KCND2: variants seen among roughly 807,000 people sequenced by gnomAD.
KCND2 encodes the protein A-type voltage-gated potassium channel KCND2.
Under a neutral mutation model 54.4 loss-of-function variants are expected in KCND2, and 16 were observed. That is an observed-to-expected ratio of 0.29 (90% CI 0.20 to 0.45). KCND2 has a LOEUF of 0.45. Among genes scored for constraint, KCND2 ranks in the 20% least tolerant of loss-of-function variants. The pLI, the probability that KCND2 is intolerant of heterozygous loss-of-function variation, is 1.00. For synonymous variants in KCND2, 317 were observed against 310.7 expected, an observed-to-expected ratio of 1.02 and a Z score of -0.21; for missense variants, 486 against 824.2, an observed-to-expected ratio of 0.59 and a Z score of 5.02.
intron 1 of KCND2, among the ~76,000 whole-genome samples, chr7:120,542,147 T>TA (rs766765271): frequency 1.0e-3 from 159 of 152,264 alleles, no homozygotes; most frequent in Non-Finnish European, 2.0e-3. Context: ...TCCTCCAGTT[T>TA]AAAGGCAATA....
chr7:120,276,738 G>A (rs1030955913), intron 1 of KCND2, among the ~76,000 whole-genome samples: 11 of 152,098 alleles, frequency 7.2e-5, no homozygotes, highest in Non-Finnish European at 1.3e-4. Flanking sequence ...TAGAGAAAAG[G>A]AAAGGAGGCA....
At chr7:120,282,718 C>T (rs544763580) in intron 1 of KCND2, among the ~76,000 whole-genome samples, 15 of 152,050 alleles carry the variant, frequency 9.9e-5, no homozygotes, top group African/African-American at 1.9e-4. Flanking sequence ...CTAATTCTTC[C>T]GTCTTCTTCA....
At chr7:120,674,909 A>G (rs2116578418) in intron 1 of KCND2, among the ~76,000 whole-genome samples, 1 of 152,350 alleles carries the variant, frequency 6.6e-6, no homozygotes, top group Admixed American at 6.5e-5. Context: ...TTCAAAATAA[A>G]TAGGCCCTAA....
At chr7:120,633,352 A>G (rs965467607) in intron 1 of KCND2, among the ~76,000 whole-genome samples, 10 of 152,166 alleles carry the variant, frequency 6.6e-5, no homozygotes, top group Non-Finnish European at 1.2e-4. Context: ...GAAAAAACAC[A>G]TTTCAAGAAT....
chr7:120,743,963 T>G (rs1450428163), intron 4 of KCND2, among the ~76,000 whole-genome samples: 1 of 152,130 alleles, frequency 6.6e-6, no homozygotes, highest in Non-Finnish European at 1.5e-5. Flanking sequence ...AATGATACAT[T>G]AATAATAAAA....
intron 1 of KCND2, among the ~76,000 whole-genome samples, chr7:120,565,415 G>T (rs1340217882): frequency 6.6e-6 from 1 of 152,162 alleles, no homozygotes; most frequent in Non-Finnish European, 1.5e-5. Context: ...ATTCTAGGAT[G>T]GTACCAACTT....
At chr7:120,351,363 C>G (rs917645314) in intron 1 of KCND2, among the ~76,000 whole-genome samples, 1 of 44,296 alleles carries the variant, frequency 2.3e-5, no homozygotes, top group Admixed American at 3.2e-4. Context: ...AATCGAAGAG[C>G]ATACACACAC....
chr7:120,280,889 G>A (rs1799250155), intron 1 of KCND2, among the ~76,000 whole-genome samples: 1 of 152,054 alleles, frequency 6.6e-6, no homozygotes. Flanking sequence ...TATTAATGTA[G>A]TGCATTTCTC....
intron 1 of KCND2, among the ~76,000 whole-genome samples, chr7:120,707,841 C>G (rs1384024673): frequency 6.6e-6 from 1 of 152,084 alleles, no homozygotes; most frequent in Non-Finnish European, 1.5e-5. Context: ...GGCGAAGTGA[C>G]AGCAATGACC....
At position 120,523,563 on chromosome 7, in the gene KCND2, G is replaced by A. The variant is rs780407095; in HGVS notation, c.1116-209340G>A. On this transcript the variant is annotated intron_variant, in intron 1 of 5. Coordinates refer to ENST00000331113, the MANE Select transcript of KCND2 (RefSeq NM_012281.3). The stretch of plus-strand genomic sequence containing the variant: ...GAAGTGGAAAAAAATTGCTATTCTC[G>A]ATAAGCCAAAAAAAAACATACACAC... Among the ~76,000 whole-genome samples the A allele has an allele frequency of 2.9e-4, 43 of 148,104 alleles. 1 individual carries two copies. The highest frequency in any genetic ancestry group is 4.6e-4 in the Non-Finnish European group (31 of 67,148).
At chr7:120,501,526 C>T (rs1021419956) in intron 1 of KCND2, among the ~76,000 whole-genome samples, 2 of 152,146 alleles carry the variant, frequency 1.3e-5, no homozygotes, top group African/African-American at 2.4e-5. Context: ...TCTTCCCTTT[C>T]AGAGCATCAC....
At chr7:120,625,155 C>T (rs1186634406) in intron 1 of KCND2, among the ~76,000 whole-genome samples, 1 of 152,038 alleles carries the variant, frequency 6.6e-6, no homozygotes, top group Non-Finnish European at 1.5e-5. Context: ...GAGTAGGCCT[C>T]ATAAGTGATG....
chr7:120,500,149 G>A (rs1184502089), intron 1 of KCND2, among the ~76,000 whole-genome samples: 1 of 152,096 alleles, frequency 6.6e-6, no homozygotes, highest in Non-Finnish European at 1.5e-5. Flanking sequence ...TACTGTAGGA[G>A]GTCAGAAATT....
intron 1 of KCND2, among the ~76,000 whole-genome samples, chr7:120,411,155 A>C (rs947546657): frequency 6.6e-6 from 1 of 152,004 alleles, no homozygotes. Context: ...TGTCTTTTTC[A>C]ATGTAAAAAT....
At chr7:120,507,150 A>C (rs1803036278) in intron 1 of KCND2, among the ~76,000 whole-genome samples, 1 of 151,924 alleles carries the variant, frequency 6.6e-6, no homozygotes, top group South Asian at 2.1e-4. Flanking sequence ...TTTAATCAAT[A>C]TATTAAACAT....
intron 1 of KCND2, among the ~76,000 whole-genome samples, chr7:120,672,682 T>A (rs1437579442): frequency 1.3e-5 from 2 of 152,074 alleles, no homozygotes; most frequent in Non-Finnish European, 2.9e-5. Flanking sequence ...GCAGATCAGA[T>A]CTGTGATAGG....
intron 1 of KCND2, among the ~76,000 whole-genome samples, chr7:120,320,229 A>G (rs1799875098): frequency 6.6e-6 from 1 of 152,102 alleles, no homozygotes; most frequent in African/African-American, 2.4e-5. Context: ...AATGGATTGT[A>G]TAGAAGTACA....
At chr7:120,295,458 A>C (rs1799499066) in intron 1 of KCND2, among the ~76,000 whole-genome samples, 1 of 151,696 alleles carries the variant, frequency 6.6e-6, no homozygotes, top group Admixed American at 6.6e-5. Flanking sequence ...GTAAGGTAAT[A>C]AAACTTATGT....
At chr7:120,725,385 G>A (rs1319919854) in intron 1 of KCND2, among the ~76,000 whole-genome samples, 1 of 152,032 alleles carries the variant, frequency 6.6e-6, no homozygotes, top group Admixed American at 6.6e-5. Flanking sequence ...AAATGCTGTC[G>A]GAATTATTTT....
Sources: allele counts gnomAD v4.1 joint callset (sites outside exome capture counted in the v4.1 genomes callset), GRCh38; gene constraint gnomAD v4.1.1; transcripts MANE v1.5; gene names NCBI Gene and HGNC (gene_info 2026-07-23, HGNC 2026-07-21).